Variants in SLIT2 observed in about 807,000 individuals in gnomAD.
SLIT2 encodes slit guidance ligand 2.
In SLIT2, 41 loss-of-function variants were observed where a neutral mutation model predicts 185.7. That is an observed-to-expected ratio of 0.22 (90% CI 0.17 to 0.29). The LOEUF (loss-of-function observed/expected upper bound fraction) is 0.29, where lower values mean the gene tolerates loss of function less well. SLIT2 is among the 10% of genes least tolerant of loss of function. The probability of loss-of-function intolerance (pLI) is 1.00; values close to 1 mark genes in which losing one functional copy is unlikely to be tolerated. For missense variants in SLIT2, 1,571 were observed against 1,909.0 expected (o/e 0.82, Z 3.30); for synonymous variants, 693 against 680.2 (o/e 1.02, Z -0.29).
chr4:20,280,837 T>TTTTTTTTTG (rs2109055506), intron 4 of SLIT2, among the ~76,000 whole-genome samples: 1 of 151,598 alleles, frequency 6.6e-6, no homozygotes, highest in East Asian at 1.9e-4. Context: ...AAAAATGTTT[T>TTTTTTTTTG]TTTTTTTTTT....
chr4:20,302,756 G>A (rs1717174541), intron 4 of SLIT2, among the ~76,000 whole-genome samples: 1 of 152,188 alleles, frequency 6.6e-6, no homozygotes, highest in Admixed American at 6.5e-5. Context: ...AATGGGGCTT[G>A]ATTCTAGAAG....
chr4:20,283,428 T>C (rs1242670631), intron 4 of SLIT2, among the ~76,000 whole-genome samples: 1 of 152,188 alleles, frequency 6.6e-6, no homozygotes, highest in Non-Finnish European at 1.5e-5. Context: ...ATTTGTTCAG[T>C]ATTTTTGCCA....
At position 20,383,068 on chromosome 4, in the gene SLIT2, A is replaced by C. The variant is rs555318345; in HGVS notation, c.396-84684A>C. Among the ~76,000 whole-genome samples, 79 of 152,310 alleles carry C rather than the reference A, an allele frequency of 5.2e-4. No homozygotes were observed. In the South Asian group the frequency reaches 0.014, roughly 28 times the overall value. On this transcript the variant is annotated intron_variant, in intron 4 of 36. Coordinates refer to ENST00000504154, the MANE Select transcript of SLIT2 (RefSeq NM_004787.4). Reference sequence around the variant, plus strand: ...AAGTAAGGAAATAATAACCATTTGAAATGATGTTGAATAATTGCCATCCAC... The same window carrying C: ...AAGTAAGGAAATAATAACCATTTGACATGATGTTGAATAATTGCCATCCAC...
chr4:20,578,785 TAAAG>T (rs1440365637), intron 29 of SLIT2, among the ~76,000 whole-genome samples: 2 of 152,166 alleles, frequency 1.3e-5, no homozygotes, highest in African/African-American at 2.4e-5. Context: ...TGGGGAAAAT[TAAAG>T]AGAGATACTC....
intron 33 of SLIT2, among the ~76,000 whole-genome samples, chr4:20,605,032 C>T (rs986827260): frequency 6.6e-6 from 1 of 151,842 alleles, no homozygotes; most frequent in African/African-American, 2.4e-5. Flanking sequence ...GACGGGGTTT[C>T]GCCATCTTGG....
intron 4 of SLIT2, among the ~76,000 whole-genome samples, chr4:20,282,591 T>C (rs1714880763): frequency 6.6e-6 from 1 of 152,190 alleles, no homozygotes; most frequent in Middle Eastern, 3.2e-3. Context: ...GAGAAAAGTG[T>C]TCTGTGGTCA....
chr4:20,447,606 C>T (rs571016974), intron 4 of SLIT2, among the ~76,000 whole-genome samples: 6 of 152,218 alleles, frequency 3.9e-5, no homozygotes, highest in South Asian at 2.1e-4. Flanking sequence ...GTAAGGAAAA[C>T]GGTTGCAAAC....
In SLIT2 at chr4:20,540,795, C is replaced by A. The variant is rs79111328; in HGVS notation, c.1977-658C>A. Among the ~76,000 whole-genome samples the A allele has an allele frequency of 3.2e-3, 484 of 152,224 alleles. 2 individuals carry two copies. The highest frequency in any genetic ancestry group is 0.011 in the African/African-American group (462 of 41,542). ...TTGCATAAAATGTGACATTTTACAT[C>A]GAGTGGCTAATTTGCACATATTAAA... On this transcript the variant is annotated intron_variant, in intron 19 of 36. Coordinates refer to ENST00000504154, the MANE Select transcript of SLIT2 (RefSeq NM_004787.4).
intron 4 of SLIT2, among the ~76,000 whole-genome samples, chr4:20,375,974 A>C (rs1723981523): frequency 6.6e-6 from 1 of 152,014 alleles, no homozygotes; most frequent in African/African-American, 2.4e-5. Context: ...AGCATTTTAT[A>C]AATTTAAGCA....
At chr4:20,302,898 A>G (rs1292843002) in intron 4 of SLIT2, among the ~76,000 whole-genome samples, 1 of 152,148 alleles carries the variant, frequency 6.6e-6, no homozygotes, top group African/African-American at 2.4e-5. Context: ...ATATAAATTT[A>G]CCTTCTGTCT....
chr4:20,497,949 A>G (rs1465047964), intron 9 of SLIT2, among the ~76,000 whole-genome samples: 4 of 151,710 alleles, frequency 2.6e-5, no homozygotes, highest in African/African-American at 9.7e-5. Flanking sequence ...CGAGGCGGGC[A>G]GATCACGAGG....
intron 8 of SLIT2, chr4:20,490,786 T>G: frequency 6.7e-7 from 1 of 1,503,642 alleles, no homozygotes; most frequent in South Asian, 1.2e-5. Flanking sequence ...CTTCACTTTT[T>G]CCTTTCTGTT....
intron 4 of SLIT2, among the ~76,000 whole-genome samples, chr4:20,383,604 A>G (rs1008564463): frequency 6.6e-6 from 1 of 152,194 alleles, no homozygotes; most frequent in East Asian, 1.9e-4. Flanking sequence ...GAACTCTCAC[A>G]TATCACTAAG....
intron 4 of SLIT2, among the ~76,000 whole-genome samples, chr4:20,361,154 G>A (rs566303863): frequency 2.0e-5 from 3 of 152,184 alleles, no homozygotes; most frequent in South Asian, 2.1e-4. Flanking sequence ...GGCTCCTTAG[G>A]TGAGTGGTTT....
intron 29 of SLIT2, among the ~76,000 whole-genome samples, chr4:20,570,704 G>A (rs544493366): frequency 2.4e-5 from 3 of 126,880 alleles, no homozygotes; most frequent in Non-Finnish European, 1.6e-5. Flanking sequence ...CCAATGCACA[G>A]AACCAGGAAT....
At chr4:20,442,927 A>G (rs185350074) in intron 4 of SLIT2, among the ~76,000 whole-genome samples, 1 of 152,264 alleles carries the variant, frequency 6.6e-6, no homozygotes, top group African/African-American at 2.4e-5. Flanking sequence ...ATGAAAGAGA[A>G]AATTTTGCTA....
chr4:20,449,827 CAA>C (rs1352502858), intron 4 of SLIT2, among the ~76,000 whole-genome samples: 5 of 152,062 alleles, frequency 3.3e-5, no homozygotes, highest in Non-Finnish European at 7.3e-5. Flanking sequence ...GGGGAAAACT[CAA>C]GAGGTATGAA....
At chr4:20,478,733 G>A (rs6855969) in intron 5 of SLIT2, among the ~76,000 whole-genome samples, 6,286 of 152,254 alleles carry the variant, frequency 0.041, 188 homozygotes, top group African/African-American at 0.072. Context: ...CTTTTGTAGT[G>A]TGTCAGGGGT....
intron 4 of SLIT2, 68 bp from the exon 5 acceptor site, chr4:20,467,684 C>A: frequency 1.0e-6 from 1 of 981,218 alleles, no homozygotes; most frequent in African/African-American, 1.7e-5. Flanking sequence ...ACTTCTCAAA[C>A]ATTTGGATTA....
Sources: gnomAD v4.1 joint callset for allele counts (sites outside exome capture counted in the v4.1 genomes callset) on GRCh38, gnomAD v4.1.1 for gene constraint, MANE v1.5 for transcripts, NCBI Gene and HGNC (gene_info 2026-07-23, HGNC 2026-07-21) for gene names.